GPR149: variants seen among roughly 807,000 people sequenced by gnomAD.
GPR149 encodes the protein G protein-coupled receptor 149, also known as probable G protein-coupled receptor 149.
A neutral mutation model predicts 50.2 loss-of-function variants in GPR149; 50 were observed. The ratio of observed to expected loss-of-function variants is 1.00; its 90% CI spans 0.79 to 1.26. The LOEUF is 1.26. Ranked by LOEUF, GPR149 falls within the 50% of genes most tolerant of loss-of-function variation. GPR149 has a pLI of 0.00. For synonymous variants in GPR149, 405 were observed against 358.2 expected (o/e 1.13, Z -1.48); for missense variants, 983 against 895.4 (o/e 1.10, Z -1.25).
At chr3:154,351,300 A>G in intron 3 of GPR149, among the ~76,000 whole-genome samples, 2 of 126,270 alleles carry the variant, frequency 1.6e-5, no homozygotes, top group African/African-American at 5.9e-5. Flanking sequence ...TAGGGCAATT[A>G]GACATCCACA....
At chr3:154,391,060 C>G (rs1204113546) in intron 3 of GPR149, among the ~76,000 whole-genome samples, 2 of 151,954 alleles carry the variant, frequency 1.3e-5, no homozygotes, top group Non-Finnish European at 1.5e-5. Context: ...ACAAGAAATG[C>G]TAAAGGAAGT....
intron 3 of GPR149, among the ~76,000 whole-genome samples, chr3:154,340,880 C>T (rs972162388): frequency 1.3e-5 from 2 of 152,110 alleles, no homozygotes; most frequent in African/African-American, 4.8e-5. Context: ...TGCCACCACA[C>T]CTGGCTAGTT....
chr3:154,422,794 G>T (rs1445698387), intron 2 of GPR149, among the ~76,000 whole-genome samples: 1 of 151,736 alleles, frequency 6.6e-6, no homozygotes, highest in Non-Finnish European at 1.5e-5. Flanking sequence ...TATTTTTACT[G>T]ACCTTTTCTA....
chr3:154,428,181 C>G (rs1274896364), intron 1 of GPR149, among the ~76,000 whole-genome samples: 1 of 152,224 alleles, frequency 6.6e-6, no homozygotes, highest in Non-Finnish European at 1.5e-5. Context: ...CCCTCCACAA[C>G]TGATCTCTCC....
At chr3:154,386,808 T>C (rs1281176914) in intron 3 of GPR149, among the ~76,000 whole-genome samples, 5 of 152,368 alleles carry the variant, frequency 3.3e-5, no homozygotes, top group East Asian at 1.9e-4. Context: ...AATAATGTTA[T>C]AATTTTTTCT....
rs1380704302 is a variant in GPR149 at position 154,428,835 on chromosome 3, G to T, written c.781C>A (p.Leu261Met). The T allele has an allele frequency of 6.2e-7, 1 of 1,613,768 alleles. No individual in the cohort carries two copies. Among genetic ancestry groups the T allele is most frequent in the Non-Finnish European group, 8.5e-7 (1 of 1,179,918 alleles). ...GGAGAGCATCCCCCAGAGCGCCGCA[G>T]ACTCGGGCCTGGAGCATCCTCTGGG... ...LSPEDAPGPS[L>M]RRSGGCSPSS... Residue 261 changes from leucine (L) to methionine (M), a missense_variant, in exon 1 of 4, where the codon CTG becomes ATG. Coordinates refer to ENST00000389740, the MANE Select transcript of GPR149 (RefSeq NM_001038705.3).
At chr3:154,357,841 G>A (rs1029078401) in intron 3 of GPR149, among the ~76,000 whole-genome samples, 4 of 152,250 alleles carry the variant, frequency 2.6e-5, no homozygotes, top group African/African-American at 7.2e-5. Flanking sequence ...ACATGCACAC[G>A]TATGTTTATT....
At chr3:154,370,346 GCTGCAGCCTTAGA>G (rs1348940897) in intron 3 of GPR149, among the ~76,000 whole-genome samples, 1 of 152,108 alleles carries the variant, frequency 6.6e-6, no homozygotes, top group Non-Finnish European at 1.5e-5. Flanking sequence ...TAAGATAAAG[GCTGCAGCCTTAGA>G]CATGGCCCTC....
intron 3 of GPR149, among the ~76,000 whole-genome samples, chr3:154,408,969 A>C (rs1431625183): frequency 6.6e-6 from 1 of 152,252 alleles, no homozygotes; most frequent in Admixed American, 6.5e-5. Flanking sequence ...GCCCTCACAG[A>C]GTCCACTTCA....
intron 3 of GPR149, among the ~76,000 whole-genome samples, chr3:154,339,966 A>AT (rs1479862796): frequency 1.1e-4 from 17 of 150,480 alleles, no homozygotes; most frequent in Non-Finnish European, 2.1e-4. Flanking sequence ...ATTTTTTTGT[A>AT]TTTTTTTATT....
chr3:154,428,701 G>T lies in GPR149; in HGVS notation c.915C>A (p.Ser305Arg). 1 of 1,614,122 alleles carries T rather than the reference G, an allele frequency of 6.2e-7. No individual in the cohort carries two copies. The highest frequency in any genetic ancestry group is 8.5e-7 in the Non-Finnish European group (1 of 1,180,022). ...TCAAAGCGAAGCGCTTCTGCGCTAC[G>T]CTCACGGTGAAGCTCCTGGTGCCAT... Reference protein sequence around the residue: ...TLYGTRSFTVSVAQKRFALIL... With the variant: ...TLYGTRSFTVRVAQKRFALIL... Residue 305 changes from serine (S) to arginine (R), a missense_variant, in exon 1 of 4, where the codon AGC becomes AGA. Physicochemically the swap from Ser to Arg is moderately radical, Grantham distance 110. Coordinates refer to ENST00000389740, the MANE Select transcript of GPR149 (RefSeq NM_001038705.3).
At position 154,429,699 on chromosome 3, in the gene GPR149, T is replaced by A. The variant is rs1170780678; in HGVS notation, c.-84A>T. 3.1e-5 allele frequency: 38 copies of A among 1,236,446 alleles called. No homozygotes were observed. The highest frequency in any genetic ancestry group is 4.1e-5 in the Non-Finnish European group (36 of 872,378). The allele number at this position is 1,236,446 out of a possible 1,614,324, so 76.6% of individuals were successfully genotyped here. ...AAGACCGGCTGCTGCAAATCAGATTTCATTCCTCCTACCAAGTTCCCCTCT... is the reference window on the plus strand; with the variant it reads ...AAGACCGGCTGCTGCAAATCAGATTACATTCCTCCTACCAAGTTCCCCTCT... On this transcript the variant is annotated 5_prime_UTR_variant, in exon 1 of 4. An upstream open reading frame in the 5' UTR gains an earlier in-frame stop. Transcript: ENST00000389740.
chr3:154,338,699 A>G (rs532134851), intron 3 of GPR149, among the ~76,000 whole-genome samples: 1 of 152,186 alleles, frequency 6.6e-6, no homozygotes, highest in African/African-American at 2.4e-5. Flanking sequence ...ATCAACATGA[A>G]CTTTTTTTTT....
intron 3 of GPR149, among the ~76,000 whole-genome samples, chr3:154,361,548 T>A (rs956263287): frequency 2.6e-5 from 4 of 152,332 alleles, no homozygotes; most frequent in Middle Eastern, 3.4e-3. Flanking sequence ...GACAATCATA[T>A]GCACTAATGT....
At chr3:154,392,629 T>G (rs1156776982) in intron 3 of GPR149, among the ~76,000 whole-genome samples, 1 of 149,276 alleles carries the variant, frequency 6.7e-6, no homozygotes, top group Non-Finnish European at 1.5e-5. Context: ...GTGACAAAAA[T>G]GGACAAAAGT....
intron 3 of GPR149, among the ~76,000 whole-genome samples, chr3:154,360,672 A>G (rs774976014): frequency 7.9e-5 from 12 of 152,222 alleles, no homozygotes; most frequent in Non-Finnish European, 1.8e-4. Flanking sequence ...TGAGGCAGAT[A>G]CTACTCCAGG....
intron 3 of GPR149, among the ~76,000 whole-genome samples, chr3:154,366,861 T>A (rs1714543225): frequency 6.6e-6 from 1 of 152,252 alleles, no homozygotes; most frequent in Admixed American, 6.5e-5. Context: ...TTCTCAGGAT[T>A]TCTTGAAACT....
At chr3:154,355,027 A>ATATT (rs1337687214) in intron 3 of GPR149, among the ~76,000 whole-genome samples, 2 of 151,970 alleles carry the variant, frequency 1.3e-5, no homozygotes, top group Admixed American at 6.6e-5. Flanking sequence ...TTAAGTTACT[A>ATATT]TATTTATTTA....
chr3:154,382,397 C>G (rs149808948), intron 3 of GPR149, among the ~76,000 whole-genome samples: 1 of 152,256 alleles, frequency 6.6e-6, no homozygotes, highest in East Asian at 1.9e-4. Flanking sequence ...TGGGGAAACA[C>G]TCAGAAATCC....
Sources: allele counts gnomAD v4.1 joint callset (sites outside exome capture counted in the v4.1 genomes callset), GRCh38; gene constraint gnomAD v4.1.1; transcripts MANE v1.5; gene names NCBI Gene and HGNC (gene_info 2026-07-23, HGNC 2026-07-21).